The following CSMD3 variants were observed in gnomAD, a reference collection of about 807,000 sequenced individuals.
CSMD3 encodes CUB and Sushi multiple domains 3.
CSMD3 carries 177 observed loss-of-function variants against 435.2 expected under a neutral mutation model. That is an observed-to-expected ratio of 0.41 (90% confidence interval 0.36 to 0.46). The LOEUF is 0.46. CSMD3 is among the 20% of genes least tolerant of loss of function. The pLI is 0.34. For synonymous variants in CSMD3, 1,656 were observed against 1,520.5 expected, an observed-to-expected ratio of 1.09 and a Z score of -2.07; for missense variants, 4,265 against 4,504.6, an observed-to-expected ratio of 0.95 and a Z score of 1.52.
rs1042095165 is a variant in CSMD3 at position 113,377,096 on chromosome 8, C to A, written c.178+59581G>T. On this transcript the variant is annotated intron_variant, in intron 1 of 70. Transcript: ENST00000297405. ...ACTTTTCGCCAGCTGGCGCTGGACT[C>A]CCCCAAGGGCTGCGGCGTCGTCCGG... 5.5e-6 allele frequency: 7 copies of A among 1,282,872 alleles called. No individual in the cohort carries two copies. In the African/African-American group the frequency reaches 9.1e-5, roughly 17 times the overall value. 79.5% of individuals were successfully genotyped at this position (1,282,872 alleles called of 1,614,324 possible).
At chr8:112,847,270 G>A (rs761984116) in intron 11 of CSMD3, among the ~76,000 whole-genome samples, 47 of 152,068 alleles carry the variant, frequency 3.1e-4, no homozygotes, top group Middle Eastern at 6.8e-3. Context: ...GTCTCTAAAC[G>A]TGTATAGCTA....
intron 9 of CSMD3, among the ~76,000 whole-genome samples, chr8:112,931,505 AC>A (rs1195667715): frequency 6.6e-6 from 1 of 151,950 alleles, no homozygotes; most frequent in East Asian, 1.9e-4. Flanking sequence ...AAAAAAAAAA[AC>A]TTAGGGAAAA....
intron 1 of CSMD3, among the ~76,000 whole-genome samples, chr8:113,421,949 G>T (rs912878624): frequency 6.6e-6 from 1 of 152,104 alleles, no homozygotes; most frequent in Non-Finnish European, 1.5e-5. Context: ...TGAATAATAA[G>T]ACAACTTTAT....
At chr8:112,618,416 C>A (rs1223301234) in intron 22 of CSMD3, among the ~76,000 whole-genome samples, 1 of 152,034 alleles carries the variant, frequency 6.6e-6, no homozygotes, top group Non-Finnish European at 1.5e-5. Context: ...GAAAAGAAGG[C>A]ACAACTTTTT....
At position 112,528,472 on chromosome 8, in the gene CSMD3, C is replaced by T. The variant is rs540894696; in HGVS notation, c.4565-11247G>A. On this transcript the variant is annotated intron_variant, in intron 27 of 70. Coordinates refer to ENST00000297405, the MANE Select transcript of CSMD3 (RefSeq NM_198123.2). ...TAGCAAGTAATTAGGAAAAAAAAAC[C>T]TGTTACTAACAAAGATGTCGTGATG... Among the ~76,000 whole-genome samples, 11 of 152,092 alleles carry T rather than the reference C, an allele frequency of 7.2e-5. No homozygotes were observed. In the South Asian group the frequency reaches 2.3e-3, roughly 32 times the overall value.
chr8:113,201,018 C>T (rs1169043347), intron 3 of CSMD3, among the ~76,000 whole-genome samples: 1 of 151,742 alleles, frequency 6.6e-6, no homozygotes, highest in Non-Finnish European at 1.5e-5. Context: ...ATTGAAAGGG[C>T]CTCTCCAGAC....
At chr8:113,347,756 A>G (rs2094161834) in intron 1 of CSMD3, among the ~76,000 whole-genome samples, 1 of 152,086 alleles carries the variant, frequency 6.6e-6, no homozygotes, top group Non-Finnish European at 1.5e-5. Context: ...TATATTTGAG[A>G]CTTACTGTCA....
chr8:112,927,409 A>G (rs1442814423), intron 9 of CSMD3, among the ~76,000 whole-genome samples: 1 of 152,064 alleles, frequency 6.6e-6, no homozygotes, highest in Non-Finnish European at 1.5e-5. Flanking sequence ...TAGAGGGGTC[A>G]TTCCTCCAAC....
At chr8:113,429,427 G>A (rs968757142) in intron 1 of CSMD3, among the ~76,000 whole-genome samples, 1 of 151,868 alleles carries the variant, frequency 6.6e-6, no homozygotes, top group Admixed American at 6.6e-5. Flanking sequence ...TTGATGTTAA[G>A]TACTGCCCCT....
At chr8:113,371,368 T>C (rs1433183168) in intron 1 of CSMD3, among the ~76,000 whole-genome samples, 1 of 152,104 alleles carries the variant, frequency 6.6e-6, no homozygotes, top group Non-Finnish European at 1.5e-5. Flanking sequence ...ATTTGTAAAT[T>C]ACAAATAGTA....
chr8:112,607,752 T>G (rs2131450389), intron 22 of CSMD3, among the ~76,000 whole-genome samples: 1 of 152,216 alleles, frequency 6.6e-6, no homozygotes, highest in Non-Finnish European at 1.5e-5. Context: ...TTGACAAAAT[T>G]CAATATCCTT....
chr8:113,368,399 G>A (rs2094326658), intron 1 of CSMD3, among the ~76,000 whole-genome samples: 1 of 152,048 alleles, frequency 6.6e-6, no homozygotes. Context: ...TCAGTCCCCA[G>A]AACTTTACAC....
intron 1 of CSMD3, among the ~76,000 whole-genome samples, chr8:113,378,626 G>C (rs1185425729): frequency 6.6e-6 from 1 of 152,164 alleles, no homozygotes; most frequent in African/African-American, 2.4e-5. Flanking sequence ...GTTTGTAGAG[G>C]AAATTTGTAT....
intron 6 of CSMD3, among the ~76,000 whole-genome samples, chr8:112,995,299 T>C (rs191031811): frequency 1.5e-4 from 23 of 151,478 alleles, no homozygotes; most frequent in Non-Finnish European, 2.5e-4. Context: ...TTAAAAGATA[T>C]TTAAAAAACA....
chr8:113,235,820 C>T (rs1351124801), intron 3 of CSMD3, among the ~76,000 whole-genome samples: 2 of 152,044 alleles, frequency 1.3e-5, no homozygotes, highest in African/African-American at 4.8e-5. Context: ...GCATCCCTTG[C>T]ACCCTCATGC....
rs144996494 is a variant in CSMD3 at position 112,276,185 on chromosome 8, A to G, written c.9508+4989T>C. Among the ~76,000 whole-genome samples, 5 of 152,312 alleles carry G rather than the reference A, an allele frequency of 3.3e-5. No homozygotes were observed. In the East Asian group the frequency reaches 7.7e-4, roughly 24 times the overall value. The stretch of plus-strand genomic sequence containing the variant: ...GGCAGTCAAACCTTAAAGCTCCAAA[A>G]TAATCTTCTGTGACTACATGTCTCA... On this transcript the variant is annotated intron_variant, in intron 59 of 70. Coordinates refer to ENST00000297405, the MANE Select transcript of CSMD3 (RefSeq NM_198123.2).
intron 1 of CSMD3, among the ~76,000 whole-genome samples, chr8:113,318,356 TACAG>T (rs2132692137): frequency 6.6e-6 from 1 of 152,304 alleles, no homozygotes; most frequent in African/African-American, 2.4e-5. Context: ...GTGGAACACA[TACAG>T]AGAGTAAAGT....
intron 11 of CSMD3, among the ~76,000 whole-genome samples, chr8:112,856,838 C>T (rs781488350): frequency 2.6e-5 from 4 of 151,728 alleles, no homozygotes; most frequent in African/African-American, 7.3e-5. Flanking sequence ...TGTATGCCAA[C>T]TAGTATAGCT....
intron 18 of CSMD3, among the ~76,000 whole-genome samples, chr8:112,654,409 T>C (rs2075206521): frequency 6.6e-6 from 1 of 152,218 alleles, no homozygotes. Context: ...GGTGATTTCT[T>C]AAAGACAAAT....
Sources: allele counts gnomAD v4.1 joint callset (sites outside exome capture counted in the v4.1 genomes callset), GRCh38; gene constraint gnomAD v4.1.1; transcripts MANE v1.5; gene names NCBI Gene and HGNC (gene_info 2026-07-23, HGNC 2026-07-21).